EBF1: variants seen among roughly 807,000 people sequenced by gnomAD.
EBF1 encodes transcription factor COE1.
A neutral mutation model predicts 68.4 loss-of-function variants in EBF1; 10 were observed. The ratio of observed to expected loss-of-function variants is 0.15; its 90% CI spans 0.09 to 0.25. The LOEUF (loss-of-function observed/expected upper bound fraction) is 0.25. Among genes scored for constraint, EBF1 ranks in the 10% least tolerant of loss-of-function variants. EBF1 has a pLI of 1.00. For missense variants in EBF1, 509 were observed against 794.4 expected, an observed-to-expected ratio of 0.64 and a Z score of 4.32; for synonymous variants, 298 against 299.8, an observed-to-expected ratio of 0.99 and a Z score of 0.06.
intron 6 of EBF1, among the ~76,000 whole-genome samples, chr5:158,921,444 T>A (rs1406459595): frequency 1.3e-5 from 2 of 152,214 alleles, no homozygotes; most frequent in Non-Finnish European, 2.9e-5. Flanking sequence ...TGGTTCCAAG[T>A]CAAGGTTTTT....
intron 11 of EBF1, among the ~76,000 whole-genome samples, chr5:158,718,826 C>T (rs1012089456): frequency 2.6e-5 from 4 of 152,094 alleles, no homozygotes; most frequent in Non-Finnish European, 5.9e-5. Flanking sequence ...TCTGTGTCAC[C>T]CAGCACAGCA....
intron 10 of EBF1, among the ~76,000 whole-genome samples, chr5:158,751,618 A>G (rs1020779612): frequency 6.6e-6 from 1 of 152,100 alleles, no homozygotes; most frequent in Non-Finnish European, 1.5e-5. Context: ...ACTCTGGCAA[A>G]TGCTTAATCT....
chr5:158,934,683 A>C (rs1014277830), intron 6 of EBF1, among the ~76,000 whole-genome samples: 3 of 152,248 alleles, frequency 2.0e-5, no homozygotes, highest in African/African-American at 7.2e-5. Flanking sequence ...TATTTGAGTT[A>C]GAATTCCCAC....
intron 8 of EBF1, among the ~76,000 whole-genome samples, chr5:158,815,202 T>C (rs1257039711): frequency 6.6e-6 from 1 of 152,158 alleles, no homozygotes; most frequent in African/African-American, 2.4e-5. Flanking sequence ...TCTTTAGCCT[T>C]GGTTTTCTCC....
At chr5:159,018,093 C>T (rs893249537) in intron 6 of EBF1, among the ~76,000 whole-genome samples, 10 of 152,050 alleles carry the variant, frequency 6.6e-5, no homozygotes, top group African/African-American at 1.9e-4. Flanking sequence ...TCTCTCTCTC[C>T]CTCACACTGG....
chr5:158,747,172 C>T (rs1767768678), intron 10 of EBF1, among the ~76,000 whole-genome samples: 1 of 152,190 alleles, frequency 6.6e-6, no homozygotes, highest in African/African-American at 2.4e-5. Context: ...AGCTAGTCAA[C>T]AGCTGAATCA....
chr5:158,832,591 C>T (rs1787825018), intron 7 of EBF1, among the ~76,000 whole-genome samples: 1 of 152,188 alleles, frequency 6.6e-6, no homozygotes, highest in African/African-American at 2.4e-5. Flanking sequence ...AATATAAGTA[C>T]ATCCAAGACA....
chr5:158,731,072 T>C lies in EBF1; in HGVS notation c.1122A>G (p.Pro374=), dbSNP rs1366334635. Residue 374 remains proline, a synonymous_variant, in exon 11 of 16, where the codon CCA becomes CCG. Coordinates refer to ENST00000313708, the MANE Select transcript of EBF1 (RefSeq NM_024007.5). ...PRHPGDPERL[P]KEVILKRAAD... is the part of the protein sequence containing the mutation. ...TACAAAAAGGCAGTATCCTCACCTT[T>C]GGCAAACGCTCAGGGTCACCAGGGT... 6.2e-7 allele frequency: 1 copy of C among 1,613,882 alleles called. No homozygotes were observed. The highest frequency in any genetic ancestry group is 1.3e-5 in the African/African-American group (1 of 75,062).
At chr5:158,824,756 C>T (rs1785674974) in intron 7 of EBF1, among the ~76,000 whole-genome samples, 1 of 152,234 alleles carries the variant, frequency 6.6e-6, no homozygotes, top group Non-Finnish European at 1.5e-5. Flanking sequence ...TGGCCTATGC[C>T]TGTGAATTGT....
chr5:158,852,026 AGGGAAAGG>A (rs1792975863), intron 6 of EBF1, among the ~76,000 whole-genome samples: 1 of 15,524 alleles, frequency 6.4e-5, no homozygotes, highest in Non-Finnish European at 1.3e-4. Context: ...AGGGGAGGGG[AGGGAAAGG>A]GTGGGGAGGG....
intron 10 of EBF1, among the ~76,000 whole-genome samples, chr5:158,757,848 G>A (rs1187982138): frequency 6.6e-6 from 1 of 152,170 alleles, no homozygotes; most frequent in African/African-American, 2.4e-5. Context: ...AGCAGTAGCT[G>A]TTTGTTATTT....
chr5:158,806,848 A>G (rs191778592), intron 8 of EBF1, among the ~76,000 whole-genome samples: 3 of 152,290 alleles, frequency 2.0e-5, no homozygotes, highest in Non-Finnish European at 2.9e-5. Flanking sequence ...TATCTTCCAC[A>G]TTCTATCCTA....
chr5:159,047,249 G>A (rs17056478), intron 6 of EBF1, among the ~76,000 whole-genome samples: 42,118 of 152,068 alleles, frequency 0.28, 6,301 homozygotes, highest in East Asian at 0.42. Context: ...AGGAATGTCC[G>A]TGACAGAAGC....
At position 158,698,827 on chromosome 5, in the gene EBF1, A is replaced by G. The variant is rs1311083141; in HGVS notation, c.*284T>C. ...ATGATTGCAGAATTAAGCTTAAAAA[A>G]AAAAAAGAAAAAGAAAAAGTGGATT... On this transcript the variant is annotated 3_prime_UTR_variant, in exon 16 of 16. Coordinates refer to ENST00000313708, the MANE Select transcript of EBF1 (RefSeq NM_024007.5). 2.8e-5 allele frequency: 9 copies of G among 323,974 alleles called. No individual in the cohort carries two copies. Among genetic ancestry groups the G allele is most frequent in the Admixed American group, 1.9e-4 (4 of 21,002 alleles). The allele number at this position is 323,974 out of a possible 1,614,324, so 20.1% of individuals were successfully genotyped here.
intron 6 of EBF1, among the ~76,000 whole-genome samples, chr5:159,019,332 T>A (rs1766220947): frequency 6.6e-6 from 1 of 152,244 alleles, no homozygotes; most frequent in Non-Finnish European, 1.5e-5. Flanking sequence ...CTTGTGGATA[T>A]AAATGTCGGG....
chr5:158,827,195 T>A (rs1420749859), intron 7 of EBF1, among the ~76,000 whole-genome samples: 1 of 152,194 alleles, frequency 6.6e-6, no homozygotes, highest in African/African-American at 2.4e-5. Flanking sequence ...CAAAAGAATG[T>A]GTCGGGTTGA....
chr5:159,073,652 C>A, intron 5 of EBF1, 188 bp from the exon 6 acceptor site: 1 of 594,366 alleles, frequency 1.7e-6, no homozygotes, highest in South Asian at 2.2e-5. Flanking sequence ...CCAGGCTTAA[C>A]CTCTCCCTGC....
intron 6 of EBF1, among the ~76,000 whole-genome samples, chr5:158,896,876 GC>G (rs751753652): frequency 5.9e-5 from 9 of 151,582 alleles, no homozygotes; most frequent in Non-Finnish European, 1.2e-4. Context: ...CCCTACCCCT[GC>G]CCACCCACCT....
Position 158,698,878 on chromosome 5 carries a change from T to C in EBF1, c.*233A>G, listed in dbSNP as rs534994070. The stretch of plus-strand genomic sequence containing the variant: ...TGCTTTTGTCAATACAGAATAAATA[T>C]ATCCCCCAAATACTTGGGAGGTACA... On this transcript the variant is annotated 3_prime_UTR_variant, in exon 16 of 16. Transcript: ENST00000313708. 6.8e-5 allele frequency: 28 copies of C among 412,212 alleles called. No individual in the cohort carries two copies. Among genetic ancestry groups the C allele is most frequent in the Non-Finnish European group, 1.0e-4 (24 of 232,230 alleles). 25.5% of individuals were successfully genotyped at this position (412,212 alleles called of 1,614,324 possible). A position where few individuals can be genotyped will look rare whatever the true frequency, so the allele number is the denominator to read the frequency against.
Sources: allele counts gnomAD v4.1 joint callset (sites outside exome capture counted in the v4.1 genomes callset), GRCh38; gene constraint gnomAD v4.1.1; transcripts MANE v1.5; gene names NCBI Gene and HGNC (gene_info 2026-07-23, HGNC 2026-07-21).